The following FRMD3 variants were observed in gnomAD, a reference collection of about 807,000 sequenced individuals.
FRMD3 encodes the protein FERM domain containing 3, also known as FERM domain-containing protein 3.
Under a neutral mutation model 70.2 loss-of-function variants are expected in FRMD3, and 33 were observed. That is an observed-to-expected ratio of 0.47 (90% confidence interval 0.36 to 0.63). The LOEUF (loss-of-function observed/expected upper bound fraction) is 0.63, where lower values mean the gene tolerates loss of function less well. Among genes scored for constraint, FRMD3 ranks in the 20% least tolerant of loss-of-function variants. The pLI is 0.00. For missense variants in FRMD3, 632 were observed against 711.4 expected (o/e 0.89, Z 1.27); for synonymous variants, 279 against 255.9 (o/e 1.09, Z -0.86).
intron 1 of FRMD3, among the ~76,000 whole-genome samples, chr9:83,418,329 G>A (rs949964645): frequency 2.0e-5 from 3 of 152,024 alleles, no homozygotes; most frequent in African/African-American, 7.2e-5. Flanking sequence ...ATAATCAGCA[G>A]AGTAAACAGA....
chr9:83,323,670 T>C (rs572938359), intron 6 of FRMD3, among the ~76,000 whole-genome samples: 2 of 152,266 alleles, frequency 1.3e-5, no homozygotes, highest in East Asian at 3.9e-4. Context: ...CTGTAAAAAA[T>C]AAATTTCTTT....
chr9:83,290,696 A>C lies in FRMD3; in HGVS notation c.1102T>G (p.Ser368Ala), dbSNP rs943703988. The C allele has an allele frequency of 1.2e-6, 2 of 1,613,574 alleles. No homozygotes were observed. The highest frequency in any genetic ancestry group is 2.7e-5 in the African/African-American group (2 of 74,888). ...ANITQSRSSH[S>A]LNKQLIINME... ...TTAATGATGAGCTGTTTGTTCAAGG[A>C]GTGGGAACTGCGGCTCTGAGTAATG... is the stretch of plus-strand genomic sequence containing the variant. The change falls in exon 13 of 14, where the codon TCC (serine) becomes GCC (alanine). Residue 368 changes from serine to alanine, a missense_variant. Ser to Ala is a moderately conservative substitution (Grantham distance 99). Coordinates refer to ENST00000304195, the MANE Select transcript of FRMD3 (RefSeq NM_174938.6).
At chr9:83,249,092 T>C (rs1340731992) in intron 13 of FRMD3, among the ~76,000 whole-genome samples, 1 of 152,240 alleles carries the variant, frequency 6.6e-6, no homozygotes, top group Non-Finnish European at 1.5e-5. Flanking sequence ...CCCATTGGTA[T>C]TATTTATAAA....
At chr9:83,465,967 G>A (rs1828116045) in intron 1 of FRMD3, among the ~76,000 whole-genome samples, 1 of 152,130 alleles carries the variant, frequency 6.6e-6, no homozygotes, top group Admixed American at 6.5e-5. Context: ...GACTGTTCTG[G>A]GACTTTCAAC....
intron 1 of FRMD3, among the ~76,000 whole-genome samples, chr9:83,501,657 G>A (rs765160867): frequency 6.6e-6 from 1 of 152,218 alleles, no homozygotes; most frequent in African/African-American, 2.4e-5. Context: ...ATATTACAAC[G>A]AATGCACACC....
the FRMD3 span, among the ~76,000 whole-genome samples, chr9:83,548,193 C>T: frequency 6.6e-6 from 1 of 152,150 alleles, no homozygotes; most frequent in Non-Finnish European, 1.5e-5. Flanking sequence ...ATAAGCTTAG[C>T]ATATAATGTA....
At chr9:83,423,585 CTTT>C (rs869226126) in intron 1 of FRMD3, among the ~76,000 whole-genome samples, 2 of 60,488 alleles carry the variant, frequency 3.3e-5, no homozygotes, top group Non-Finnish European at 6.0e-5. Context: ...AGCCCTGTTT[CTTT>C]TTTTTTTTTT....
chr9:83,580,630 G>A, the FRMD3 span, among the ~76,000 whole-genome samples: 1 of 152,082 alleles, frequency 6.6e-6, no homozygotes, highest in South Asian at 2.1e-4. Flanking sequence ...TCAAGAGAAT[G>A]AACGGGGAAT....
intron 10 of FRMD3, among the ~76,000 whole-genome samples, chr9:83,303,520 G>C (rs1433131132): frequency 6.6e-6 from 1 of 152,194 alleles, no homozygotes; most frequent in Non-Finnish European, 1.5e-5. Context: ...AAGAGCCCAA[G>C]AATCTGCATT....
At chr9:83,295,567 A>G (rs947569429) in intron 12 of FRMD3, among the ~76,000 whole-genome samples, 1 of 152,234 alleles carries the variant, frequency 6.6e-6, no homozygotes, top group Admixed American at 6.5e-5. Context: ...GGGCAAAGTG[A>G]TGTTGTAAAT....
chr9:83,389,770 G>C (rs866216896), intron 1 of FRMD3, 62 bp from the exon 2 acceptor site: 3 of 1,185,208 alleles, frequency 2.5e-6, no homozygotes, highest in African/African-American at 3.0e-5. Flanking sequence ...CGTCCTCAGG[G>C]AGCCTTGTTC....
chr9:83,465,292 C>A (rs373612204), intron 1 of FRMD3, among the ~76,000 whole-genome samples: 2 of 152,112 alleles, frequency 1.3e-5, no homozygotes, highest in African/African-American at 4.8e-5. Context: ...AGTGCTCTTC[C>A]CAGAACTCTA....
At chr9:83,475,559 GTTTT>G (rs1420174956) in intron 1 of FRMD3, among the ~76,000 whole-genome samples, 4 of 152,096 alleles carry the variant, frequency 2.6e-5, no homozygotes, top group Admixed American at 1.3e-4. Context: ...AGACACAGTT[GTTTT>G]AAAGTAACTA....
intron 13 of FRMD3, among the ~76,000 whole-genome samples, chr9:83,283,325 T>G (rs1250541141): frequency 6.6e-6 from 1 of 151,760 alleles, no homozygotes; most frequent in African/African-American, 2.4e-5. Context: ...GGTCAGGAGA[T>G]CGAGACCATC....
At chr9:83,325,351 G>C (rs1410103073) in intron 6 of FRMD3, among the ~76,000 whole-genome samples, 1 of 151,970 alleles carries the variant, frequency 6.6e-6, no homozygotes, top group Admixed American at 6.6e-5. Context: ...ATTTGAGGCA[G>C]GGTCTCACTC....
chr9:83,372,252 G>A (rs1824996958), intron 3 of FRMD3, among the ~76,000 whole-genome samples: 1 of 151,866 alleles, frequency 6.6e-6, no homozygotes, highest in Admixed American at 6.6e-5. Flanking sequence ...TGTCACCCAG[G>A]ACTACCAGTG....
At chr9:83,513,207 A>T (rs369739259) in intron 1 of FRMD3, among the ~76,000 whole-genome samples, 1 of 152,204 alleles carries the variant, frequency 6.6e-6, no homozygotes, top group African/African-American at 2.4e-5. Flanking sequence ...GCATTTCTCC[A>T]GGTCATTTGG....
chr9:83,471,481 T>C (rs1383071374), intron 1 of FRMD3, among the ~76,000 whole-genome samples: 2 of 152,242 alleles, frequency 1.3e-5, no homozygotes, highest in Non-Finnish European at 2.9e-5. Flanking sequence ...AGGACACAGT[T>C]GCAGGTCAGT....
chr9:83,364,147 A>G (rs934047317), intron 3 of FRMD3, among the ~76,000 whole-genome samples: 2 of 152,178 alleles, frequency 1.3e-5, no homozygotes, highest in Non-Finnish European at 2.9e-5. Flanking sequence ...GGTTTGTAGC[A>G]TCAAACATAA....
Sources: gnomAD v4.1 joint callset for allele counts (sites outside exome capture counted in the v4.1 genomes callset) on GRCh38, gnomAD v4.1.1 for gene constraint, MANE v1.5 for transcripts, NCBI Gene and HGNC (gene_info 2026-07-23, HGNC 2026-07-21) for gene names.